Variants in PCDH9 observed in about 807,000 individuals in gnomAD.
PCDH9 encodes protocadherin-9.
PCDH9 carries 24 observed loss-of-function variants against 70.6 expected under a neutral mutation model. The observed-to-expected ratio is 0.34, with a 90% confidence interval of 0.25 to 0.48. PCDH9 has a LOEUF of 0.48. Among genes scored for constraint, PCDH9 ranks in the 20% least tolerant of loss-of-function variants. The pLI is 0.99. For missense variants in PCDH9, 1,281 were observed against 1,503.6 expected (o/e 0.85, Z 2.45); for synonymous variants, 562 against 558.5 (o/e 1.01, Z -0.09).
chr13:67,202,265 T>C (rs922807440), intron 2 of PCDH9: 2 of 152,082 alleles, frequency 1.3e-5, no homozygotes, highest in Non-Finnish European at 2.9e-5. Context: ...AATAGGGTTA[T>C]CTGGCTCTGT....
At chr13:66,442,977 C>G (rs554371709) in intron 4 of PCDH9, among the ~76,000 whole-genome samples, 1 of 152,240 alleles carries the variant, frequency 6.6e-6, no homozygotes, top group East Asian at 1.9e-4. Context: ...TACACAGCTG[C>G]AGAAACTAAC....
At chr13:66,362,853 C>T (rs1458513079) in intron 4 of PCDH9, among the ~76,000 whole-genome samples, 1 of 152,100 alleles carries the variant, frequency 6.6e-6, no homozygotes, top group Non-Finnish European at 1.5e-5. Flanking sequence ...ACACAAGGCA[C>T]ATACTTTATC....
intron 2 of PCDH9, among the ~76,000 whole-genome samples, chr13:67,071,661 C>CGGTAGATCACCTGAGGT (rs1248036777): frequency 6.6e-6 from 1 of 151,798 alleles, no homozygotes; most frequent in Non-Finnish European, 1.5e-5. Flanking sequence ...GAGGCTGAGG[C>CGGTAGATCACCTGAGGT]GGTAGATCAC....
At chr13:67,154,604 A>ATG in intron 2 of PCDH9, among the ~76,000 whole-genome samples, 1 of 87,918 alleles carries the variant, frequency 1.1e-5, no homozygotes. Context: ...AAATATATAT[A>ATG]TACACACACA....
chr13:66,462,534 G>A (rs76401079), intron 4 of PCDH9, among the ~76,000 whole-genome samples: 19 of 151,778 alleles, frequency 1.3e-4, no homozygotes, highest in South Asian at 8.3e-4. Context: ...TTATCTGCCC[G>A]TTAGAATCAG....
At position 67,050,006 on chromosome 13, in the gene PCDH9, C is replaced by T. The variant is rs926478000; in HGVS notation, c.3037-146401G>A. Among the ~76,000 whole-genome samples, 6 of 152,240 alleles carry T rather than the reference C, an allele frequency of 3.9e-5. 1 individual carries two copies. In the Middle Eastern group the frequency reaches 0.014, roughly 345 times the overall value. The stretch of plus-strand genomic sequence containing the variant: ...GAATCATAGAGAATGAAAATGTTAT[C>T]TAGTTGACCTTAAATGTTTCTCACA... On this transcript the variant is annotated intron_variant, in intron 2 of 4. Coordinates refer to ENST00000377865, the MANE Select transcript of PCDH9 (RefSeq NM_203487.3).
At chr13:67,129,451 TG>T (rs1478350970) in intron 2 of PCDH9, among the ~76,000 whole-genome samples, 2 of 152,126 alleles carry the variant, frequency 1.3e-5, no homozygotes, top group Non-Finnish European at 2.9e-5. Context: ...ACTAATAATC[TG>T]GCTTTATTTC....
chr13:67,139,782 C>T (rs941667092), intron 2 of PCDH9, among the ~76,000 whole-genome samples: 1 of 152,050 alleles, frequency 6.6e-6, no homozygotes, highest in Non-Finnish European at 1.5e-5. Context: ...GCATATGAAC[C>T]CTTGAAATAA....
chr13:66,410,563 C>T (rs796988316), intron 4 of PCDH9, among the ~76,000 whole-genome samples: 49 of 152,146 alleles, frequency 3.2e-4, no homozygotes, highest in African/African-American at 1.1e-3. Context: ...AGTGGAAGAC[C>T]AGACATTTGG....
intron 3 of PCDH9, among the ~76,000 whole-genome samples, chr13:66,688,776 T>C (rs571085874): frequency 5.3e-5 from 8 of 152,190 alleles, no homozygotes; most frequent in Non-Finnish European, 1.2e-4. Flanking sequence ...CACTTGCATA[T>C]TTTCAAAGCA....
intron 2 of PCDH9, among the ~76,000 whole-genome samples, chr13:67,012,698 T>C (rs1191518205): frequency 6.6e-6 from 1 of 151,978 alleles, no homozygotes; most frequent in Admixed American, 6.6e-5. Context: ...GCCCCCATAA[T>C]TGGGATGGTT....
intron 3 of PCDH9, among the ~76,000 whole-genome samples, chr13:66,815,314 A>T (rs142632511): frequency 6.6e-6 from 1 of 152,136 alleles, no homozygotes; most frequent in Non-Finnish European, 1.5e-5. Context: ...ATTGCTATAC[A>T]CTGCTGGTGG....
chr13:66,764,628 T>G (rs924323302), intron 3 of PCDH9, among the ~76,000 whole-genome samples: 9 of 151,982 alleles, frequency 5.9e-5, no homozygotes, highest in Non-Finnish European at 1.3e-4. Flanking sequence ...AAGAAAAAAG[T>G]TATTTTCCAT....
intron 2 of PCDH9, among the ~76,000 whole-genome samples, chr13:67,021,033 T>C (rs932832132): frequency 2.6e-5 from 4 of 152,216 alleles, no homozygotes; most frequent in African/African-American, 9.7e-5. Context: ...TAATTTGGCA[T>C]TTCTATTGTC....
chr13:67,056,084 T>G (rs1594449616), intron 2 of PCDH9, among the ~76,000 whole-genome samples: 1 of 152,188 alleles, frequency 6.6e-6, no homozygotes, highest in South Asian at 2.1e-4. Flanking sequence ...CAAAACTGAT[T>G]GCTGTTATTT....
chr13:66,440,537 T>G (rs1310420566), intron 4 of PCDH9, among the ~76,000 whole-genome samples: 1 of 152,070 alleles, frequency 6.6e-6, no homozygotes, highest in East Asian at 1.9e-4. Context: ...AATATAATTT[T>G]TATAGTCTGC....
intron 4 of PCDH9, among the ~76,000 whole-genome samples, chr13:66,317,709 G>A (rs1487464753): frequency 6.6e-6 from 1 of 151,614 alleles, no homozygotes; most frequent in African/African-American, 2.4e-5. Flanking sequence ...TTTGATACAG[G>A]TATATTCAAG....
chr13:66,344,085 C>T (rs1956174569), intron 4 of PCDH9, among the ~76,000 whole-genome samples: 1 of 152,144 alleles, frequency 6.6e-6, no homozygotes, highest in South Asian at 2.1e-4. Flanking sequence ...TAAGTATCCT[C>T]ATTAATATTG....
At chr13:66,775,776 T>A (rs2079881515) in intron 3 of PCDH9, among the ~76,000 whole-genome samples, 2 of 152,154 alleles carry the variant, frequency 1.3e-5, no homozygotes, top group African/African-American at 4.8e-5. Context: ...AGCAGTGAAG[T>A]TTGGGGGGAG....
Sources: gnomAD v4.1 joint callset for allele counts (sites outside exome capture counted in the v4.1 genomes callset) on GRCh38, gnomAD v4.1.1 for gene constraint, MANE v1.5 for transcripts, NCBI Gene and HGNC (gene_info 2026-07-23, HGNC 2026-07-21) for gene names.